The following ITGBL1 variants were observed in gnomAD, a reference collection of about 807,000 sequenced individuals.
ITGBL1 encodes integrin beta-like protein 1.
ITGBL1 carries 51 observed loss-of-function variants against 68.5 expected under a neutral mutation model. That is an observed-to-expected ratio of 0.74 (90% CI 0.59 to 0.94). ITGBL1 has a LOEUF of 0.94. Among genes scored for constraint, ITGBL1 ranks in the 40% least tolerant of loss-of-function variants. The pLI is 0.00. For synonymous variants in ITGBL1, 209 were observed against 227.3 expected, an observed-to-expected ratio of 0.92 and a Z score of 0.72; for missense variants, 649 against 647.4, an observed-to-expected ratio of 1.00 and a Z score of -0.03.
chr13:101,671,533 G>C (rs2033373520), intron 7 of ITGBL1, among the ~76,000 whole-genome samples: 1 of 140,346 alleles, frequency 7.1e-6, no homozygotes, highest in African/African-American at 2.6e-5. Flanking sequence ...CCGCCTCCCG[G>C]GTTCACGCCA....
At chr13:101,651,432 C>T (rs908870252) in intron 7 of ITGBL1, among the ~76,000 whole-genome samples, 1 of 152,002 alleles carries the variant, frequency 6.6e-6, no homozygotes, top group Admixed American at 6.6e-5. Context: ...TGATGTTGAC[C>T]TTTTTTCGTA....
intron 7 of ITGBL1, among the ~76,000 whole-genome samples, chr13:101,681,570 T>A (rs1191894169): frequency 1.3e-5 from 2 of 152,194 alleles, no homozygotes; most frequent in Admixed American, 6.6e-5. Context: ...TTCGTCTTCT[T>A]GTCTCCCCAT....
intron 7 of ITGBL1, among the ~76,000 whole-genome samples, chr13:101,669,470 A>G (rs1283614126): frequency 6.6e-6 from 1 of 152,158 alleles, no homozygotes; most frequent in East Asian, 1.9e-4. Flanking sequence ...TTTGTAAAGT[A>G]TAATCTTATG....
At chr13:101,495,631 GTAAA>G (rs1322389581) in intron 2 of ITGBL1, among the ~76,000 whole-genome samples, 2 of 151,454 alleles carry the variant, frequency 1.3e-5, no homozygotes, top group African/African-American at 2.4e-5. Context: ...TTTTTTTTAA[GTAAA>G]TGATTTTTGG....
Position 101,575,499 on chromosome 13 carries a change from G to A in ITGBL1, c.539G>A (p.Cys180Tyr). Residue 180 changes from cysteine to tyrosine, a missense_variant, in exon 4 of 11, where the codon TGT (cysteine) becomes TAT (tyrosine). Transcript: ENST00000376180. ...CTTGTGTATGGTAAATTTTGTGAGT[G>A]TGACGATAGAGAATGCATAGACGAT... ...SGLVYGKFCE[C>Y]DDRECIDDET... is the part of the protein sequence containing the mutation. 1 of 1,612,702 alleles carries A rather than the reference G, an allele frequency of 6.2e-7. No individual in the cohort carries two copies. The highest frequency in any genetic ancestry group is 8.5e-7 in the Non-Finnish European group (1 of 1,178,900).
intron 7 of ITGBL1, among the ~76,000 whole-genome samples, chr13:101,681,671 AAGG>A (rs1394478988): frequency 6.6e-6 from 1 of 152,106 alleles, no homozygotes; most frequent in Non-Finnish European, 1.5e-5. Context: ...AAAGTGAGGG[AAGG>A]AGATGTCAAA....
At chr13:101,491,204 G>A (rs528314367) in intron 2 of ITGBL1, among the ~76,000 whole-genome samples, 1 of 152,212 alleles carries the variant, frequency 6.6e-6, no homozygotes, top group East Asian at 1.9e-4. Context: ...AAATGCATCG[G>A]TCTTTTTTGT....
intron 2 of ITGBL1, among the ~76,000 whole-genome samples, chr13:101,542,308 G>T (rs896123779): frequency 2.0e-5 from 3 of 152,066 alleles, no homozygotes; most frequent in Admixed American, 1.3e-4. Context: ...TTCATTTCGT[G>T]ATGTACCCAG....
Position 101,579,441 on chromosome 13 carries a change from A to G in ITGBL1, c.727+14A>G. The G allele has an allele frequency of 1.2e-6, 2 of 1,611,790 alleles. No individual in the cohort carries two copies. The highest frequency in any genetic ancestry group is 1.7e-6 in the Non-Finnish European group (2 of 1,178,498). On this transcript the variant is annotated intron_variant, in intron 5 of 10. Transcript: ENST00000376180. ...GCAGTAACAGAGGTGTGTCATTCAT[A>G]CATGTTACTACATAATGGGGAGGCA...
chr13:101,519,853 A>G (rs551712067), intron 2 of ITGBL1, among the ~76,000 whole-genome samples: 16 of 152,210 alleles, frequency 1.1e-4, no homozygotes, highest in Non-Finnish European at 2.4e-4. Flanking sequence ...GTATTCATTT[A>G]GCAAATGGGA....
intron 2 of ITGBL1, among the ~76,000 whole-genome samples, chr13:101,554,774 G>A (rs1566729743): frequency 6.6e-6 from 1 of 152,146 alleles, no homozygotes; most frequent in African/African-American, 2.4e-5. Flanking sequence ...GCCCTTTTGT[G>A]GAGTGCCACA....
At chr13:101,560,762 TG>T (rs1237648629) in intron 2 of ITGBL1, among the ~76,000 whole-genome samples, 2 of 152,238 alleles carry the variant, frequency 1.3e-5, no homozygotes, top group African/African-American at 4.8e-5. Context: ...ATCCTTTTTT[TG>T]TATTTACAAT....
rs76595072 is a variant in ITGBL1, at chr13:101,514,278, G to A, written c.317-53421G>A. Among the ~76,000 whole-genome samples the A allele has an allele frequency of 3.7e-4, 57 of 152,202 alleles. 2 individuals carry two copies. The East Asian group carries it at 6.4e-3, about 17-fold the overall frequency. ...ATAAAGGGAAACTTGCAGTTTGAAA[G>A]CAGTCAGAATGTTAACATCTGTTAA... On this transcript the variant is annotated intron_variant, in intron 2 of 10. Coordinates refer to ENST00000376180, the MANE Select transcript of ITGBL1 (RefSeq NM_004791.3).
chr13:101,510,654 C>T (rs934372977), intron 2 of ITGBL1, among the ~76,000 whole-genome samples: 5 of 152,046 alleles, frequency 3.3e-5, no homozygotes, highest in African/African-American at 1.2e-4. Flanking sequence ...GCCTTGCCAG[C>T]ATCTGTTGTT....
At chr13:101,709,222 G>A (rs1193577266) in intron 9 of ITGBL1, among the ~76,000 whole-genome samples, 5 of 150,570 alleles carry the variant, frequency 3.3e-5, no homozygotes, top group African/African-American at 9.8e-5. Flanking sequence ...AAAATTAGCC[G>A]GGCGCGGTGG....
chr13:101,649,097 C>T (rs2032662510), intron 7 of ITGBL1, among the ~76,000 whole-genome samples: 2 of 152,116 alleles, frequency 1.3e-5, no homozygotes, highest in South Asian at 2.1e-4. Flanking sequence ...GCATATGAAT[C>T]AAGAAATTGG....
In ITGBL1 at chr13:101,575,371, A is replaced by G. The variant is rs1277479299; in HGVS notation, c.464-53A>G. 3.9e-6 allele frequency: 6 copies of G among 1,529,574 alleles called. No individual in the cohort carries two copies. The East Asian group carries it at 1.1e-4, about 29-fold the overall frequency. The allele number at this position is 1,529,574 out of a possible 1,614,324, so 94.8% of individuals were successfully genotyped here. A position where few individuals can be genotyped will look rare whatever the true frequency, so the allele number is the denominator to read the frequency against. On this transcript the variant is annotated intron_variant, in intron 3 of 10. Transcript: ENST00000376180. ...AGAGAGATGGTATAAAAATTCATTA[A>G]TTATAATTTTATGTGCATGTAACAA...
intron 7 of ITGBL1, among the ~76,000 whole-genome samples, chr13:101,599,923 C>CT (rs1023247467): frequency 6.6e-6 from 1 of 152,062 alleles, no homozygotes; most frequent in East Asian, 1.9e-4. Flanking sequence ...AATGTGGGCT[C>CT]TTTTTTGGTT....
intron 2 of ITGBL1, among the ~76,000 whole-genome samples, chr13:101,494,653 A>G (rs2048829857): frequency 6.6e-6 from 1 of 152,170 alleles, no homozygotes; most frequent in African/African-American, 2.4e-5. Flanking sequence ...GTATCCAATA[A>G]TATAAAATAA....
Sources: allele counts gnomAD v4.1 joint callset (sites outside exome capture counted in the v4.1 genomes callset), GRCh38; gene constraint gnomAD v4.1.1; transcripts MANE v1.5; gene names NCBI Gene and HGNC (gene_info 2026-07-23, HGNC 2026-07-21).